Variants in PTPRQ observed in about 807,000 individuals in gnomAD.
PTPRQ encodes the protein protein tyrosine phosphatase receptor type Q.
In PTPRQ, 199 loss-of-function variants were observed where a neutral mutation model predicts 246.0. The ratio of observed to expected loss-of-function variants is 0.81; its 90% CI spans 0.72 to 0.91. The LOEUF is 0.91. Among genes scored for constraint, PTPRQ ranks in the 40% least tolerant of loss-of-function variants. The probability of loss-of-function intolerance (pLI) is 0.00; values close to 1 mark genes in which losing one functional copy is unlikely to be tolerated. For missense variants in PTPRQ, 2,624 were observed against 2,528.4 expected, an observed-to-expected ratio of 1.04 and a Z score of -0.81; for synonymous variants, 869 against 853.2, an observed-to-expected ratio of 1.02 and a Z score of -0.32.
chr12:80,549,255 T>G (rs1896396730), intron 24 of PTPRQ, among the ~76,000 whole-genome samples: 1 of 152,146 alleles, frequency 6.6e-6, no homozygotes, highest in Admixed American at 6.6e-5. Context: ...GGTTCAATAC[T>G]GTAATGATTA....
chr12:80,600,830 C>T (rs1898117684), intron 26 of PTPRQ, among the ~76,000 whole-genome samples: 1 of 151,800 alleles, frequency 6.6e-6, no homozygotes, highest in African/African-American at 2.4e-5. Flanking sequence ...GCCATCCTAA[C>T]AAAAGAAGAC....
intron 39 of PTPRQ, among the ~76,000 whole-genome samples, chr12:80,667,583 T>G (rs1269628472): frequency 6.6e-6 from 1 of 151,842 alleles, no homozygotes; most frequent in Non-Finnish European, 1.5e-5. Flanking sequence ...TTCAGTGTCT[T>G]TGGTCAGTGA....
intron 25 of PTPRQ, among the ~76,000 whole-genome samples, chr12:80,556,746 C>G (rs1565784356): frequency 2.0e-5 from 3 of 152,014 alleles, no homozygotes; most frequent in African/African-American, 4.8e-5. Context: ...CCTCACTATT[C>G]ATGAAAATAG....
At chr12:80,546,167 A>G (rs1299202913) in intron 23 of PTPRQ, among the ~76,000 whole-genome samples, 2 of 152,038 alleles carry the variant, frequency 1.3e-5, no homozygotes, top group Admixed American at 6.6e-5. Context: ...AAAACTACAA[A>G]TATTAGCTGG....
intron 25 of PTPRQ, among the ~76,000 whole-genome samples, chr12:80,556,236 C>CT (rs1388478423): frequency 5.3e-5 from 8 of 152,126 alleles, no homozygotes; most frequent in Non-Finnish European, 8.8e-5. Context: ...GCCATGTTGG[C>CT]TAAGATGGTT....
In PTPRQ at chr12:80,542,634, T is replaced by A. The variant is rs1896188521; in HGVS notation, c.3722-96T>A. 2.3e-6 allele frequency: 3 copies of A among 1,319,808 alleles called. No homozygotes were observed. The South Asian group carries it at 4.6e-5, about 20-fold the overall frequency. 81.8% of individuals were successfully genotyped at this position (1,319,808 alleles called of 1,614,324 possible). The stretch of plus-strand genomic sequence containing the variant: ...AATTTAAATATGATCATTTTATAAA[T>A]CTTTTTAAACTAGTGTCTTCAAGAA... On this transcript the variant is annotated intron_variant, in intron 22 of 44. Coordinates refer to ENST00000644991, the MANE Select transcript of PTPRQ (RefSeq NM_001145026.2).
intron 26 of PTPRQ, among the ~76,000 whole-genome samples, chr12:80,592,093 G>T (rs1528287): frequency 0.95 from 144,447 of 152,254 alleles, 68,575 homozygotes; most frequent in East Asian, 1. Flanking sequence ...TCTTACCCCC[G>T]TTTAAGTTCT....
intron 8 of PTPRQ, among the ~76,000 whole-genome samples, chr12:80,479,174 T>A (rs1192306756): frequency 3.3e-5 from 5 of 151,460 alleles, no homozygotes; most frequent in African/African-American, 7.3e-5. Context: ...TAACAGCAGA[T>A]CTCTCGGCAG....
intron 25 of PTPRQ, among the ~76,000 whole-genome samples, chr12:80,585,783 G>A (rs1897594149): frequency 6.7e-6 from 1 of 149,870 alleles, no homozygotes; most frequent in South Asian, 2.1e-4. Context: ...TGCACATTGT[G>A]CAGGTTAGTT....
intron 26 of PTPRQ, among the ~76,000 whole-genome samples, chr12:80,588,811 G>A (rs937324823): frequency 1.3e-5 from 2 of 152,116 alleles, no homozygotes; most frequent in Admixed American, 1.3e-4. Flanking sequence ...TAGAGGTTCT[G>A]TTGCTTTTAA....
intron 17 of PTPRQ, among the ~76,000 whole-genome samples, chr12:80,531,199 CTAAA>C (rs1163996424): frequency 6.6e-6 from 1 of 151,736 alleles, no homozygotes; most frequent in African/African-American, 2.4e-5. Flanking sequence ...CATAGAATGA[CTAAA>C]TAACTATGAT....
In PTPRQ at chr12:80,679,157, G is replaced by A; in HGVS notation, c.*134G>A. The A allele has an allele frequency of 3.7e-6, 4 of 1,068,866 alleles. No individual in the cohort carries two copies. Among genetic ancestry groups the A allele is most frequent in the Non-Finnish European group, 5.1e-6 (4 of 790,312 alleles). 66.2% of individuals were successfully genotyped at this position (1,068,866 alleles called of 1,614,324 possible). The stretch of plus-strand genomic sequence containing the variant: ...CTTCTCTCACTGTGCCTTTCCAAAC[G>A]GATTGAACATTTTAAGACTAGTTCT... On this transcript the variant is annotated 3_prime_UTR_variant, in exon 45 of 45. Transcript: ENST00000644991.
intron 37 of PTPRQ, among the ~76,000 whole-genome samples, chr12:80,650,669 G>T (rs1900226200): frequency 6.6e-6 from 1 of 151,542 alleles, no homozygotes. Context: ...TATTGGTCTG[G>T]ACTTAACAAA....
At chr12:80,589,989 G>A (rs1389089455) in intron 26 of PTPRQ, among the ~76,000 whole-genome samples, 4 of 152,120 alleles carry the variant, frequency 2.6e-5, no homozygotes, top group African/African-American at 9.7e-5. Context: ...TTTGAAGTCT[G>A]CTTACATCTT....
intron 44 of PTPRQ, 112 bp downstream of exon 44, chr12:80,678,837 C>T: frequency 6.9e-7 from 1 of 1,441,934 alleles, no homozygotes; most frequent in Non-Finnish European, 9.1e-7. Context: ...GATTAGTGCA[C>T]AGATCAGGTT....
intron 19 of PTPRQ, among the ~76,000 whole-genome samples, chr12:80,536,490 A>C (rs1212760473): frequency 1.3e-5 from 2 of 152,212 alleles, no homozygotes; most frequent in African/African-American, 4.8e-5. Context: ...CTATAAGAGT[A>C]GGGTTGTATA....
chr12:80,513,460 G>A (rs1362265684), intron 17 of PTPRQ, among the ~76,000 whole-genome samples: 2 of 152,166 alleles, frequency 1.3e-5, no homozygotes, highest in Non-Finnish European at 2.9e-5. Context: ...ACGTGTTCCT[G>A]TCAACGTCCA....
rs756626854 is a variant in PTPRQ, at chr12:80,445,656, A to G, written c.329A>G (p.Lys110Arg). The G allele has an allele frequency of 9.7e-6, 15 of 1,550,236 alleles. No individual in the cohort carries two copies. Among genetic ancestry groups the G allele is most frequent in the East Asian group, 4.9e-5 (2 of 40,886 alleles). The change falls in exon 3 of 45, where the codon AAG becomes AGG. Residue 110 changes from lysine (K) to arginine (R), a missense_variant. Lys to Arg is a conservative substitution (Grantham distance 26). Coordinates refer to ENST00000644991, the MANE Select transcript of PTPRQ (RefSeq NM_001145026.2). ...ACAGTATATACACAAGTCAGATCAA[A>G]GCCAGACAGTCTGGAAGTTCTTCTT... ...MQTVYTQVRS[K>R]PDSLEVLLTN...
intron 37 of PTPRQ, 64 bp from the exon 38 acceptor site, chr12:80,652,680 T>C (rs1037690770): frequency 8.5e-6 from 12 of 1,414,038 alleles, no homozygotes; most frequent in East Asian, 5.8e-5. Flanking sequence ...AACTGTCTTT[T>C]AATAAGTGAA....
Sources: allele counts gnomAD v4.1 joint callset (sites outside exome capture counted in the v4.1 genomes callset), GRCh38; gene constraint gnomAD v4.1.1; transcripts MANE v1.5; gene names NCBI Gene and HGNC (gene_info 2026-07-23, HGNC 2026-07-21).